The following TTC34 variants were observed in gnomAD, a reference collection of about 807,000 sequenced individuals.
TTC34 encodes the protein tetratricopeptide repeat domain 34.
A neutral mutation model predicts 40.7 loss-of-function variants in TTC34; 44 were observed. The observed-to-expected ratio is 1.08, with a 90% CI of 0.85 to 1.39. The LOEUF (loss-of-function observed/expected upper bound fraction) is 1.39, where lower values mean the gene tolerates loss of function less well. TTC34 is among the 40% of genes most tolerant of loss of function. The pLI, the probability that TTC34 is intolerant of heterozygous loss-of-function variation, is 0.00. For synonymous variants in TTC34, 422 were observed against 398.6 expected, an observed-to-expected ratio of 1.06 and a Z score of -0.70; for missense variants, 884 against 838.0, an observed-to-expected ratio of 1.05 and a Z score of -0.68.
chr1:2,684,763 G>A (rs1273827019), intron 6 of TTC34, among the ~76,000 whole-genome samples: 3 of 130,662 alleles, frequency 2.3e-5, no homozygotes, highest in Non-Finnish European at 4.7e-5. Flanking sequence ...AAAACCCCAG[G>A]TGAGCATCTG....
chr1:2,645,260 C>A lies in TTC34; in HGVS notation c.2497+33G>T, dbSNP rs1638996314. ...AGAGGAGCGGGGACAGAAGCCCAGA[C>A]CCCGTGTTTCCCACCTTGGGGCCGC... On this transcript the variant is annotated intron_variant, in intron 7 of 8. Transcript: ENST00000401095. The surrounding 1 kb of genome is among the most constrained non-coding windows in gnomAD (Gnocchi z 4.7). 4.2e-6 allele frequency: 6 copies of A among 1,439,256 alleles called. No homozygotes were observed. The South Asian group carries it at 7.3e-5, about 17-fold the overall frequency. The allele number at this position is 1,439,256 out of a possible 1,614,324, so 89.2% of individuals were successfully genotyped here. A position where few individuals can be genotyped will look rare whatever the true frequency, so the allele number is the denominator to read the frequency against.
At chr1:2,688,872 A>G (rs546630720) in intron 6 of TTC34, among the ~76,000 whole-genome samples, 1 of 64,144 alleles carries the variant, frequency 1.6e-5, no homozygotes, top group Non-Finnish European at 2.7e-5. Flanking sequence ...CGCACGTGAC[A>G]GCGTGGAACA....
Position 2,749,860 on chromosome 1 carries a change from C to T in TTC34, c.2226+33749G>A, listed in dbSNP as rs1457467745. 2.1e-3 allele frequency among the ~76,000 whole-genome samples: 75 copies of T among 35,940 alleles called. No individual in the cohort carries two copies. In the Middle Eastern group the frequency reaches 0.065, roughly 31 times the overall value. 23.6% of individuals were successfully genotyped at this position (35,940 alleles called of 152,430 possible). A position where few individuals can be genotyped will look rare whatever the true frequency, so the allele number is the denominator to read the frequency against. ...GCACCCACACCCCCAGGTGAACATC[C>T]GACAGCCTGGAGCAGAACCCACACC... On this transcript the variant is annotated intron_variant, in intron 6 of 8. Transcript: ENST00000401095.
chr1:2,695,738 C>T (rs866444764), intron 6 of TTC34, among the ~76,000 whole-genome samples: 1 of 148,778 alleles, frequency 6.7e-6, no homozygotes, highest in Non-Finnish European at 1.5e-5. Context: ...AGCTGAAATC[C>T]TGGAACAGCA....
At chr1:2,687,840 C>T (rs1305689349) in intron 6 of TTC34, among the ~76,000 whole-genome samples, 1 of 151,796 alleles carries the variant, frequency 6.6e-6, no homozygotes. Flanking sequence ...TGGAGCATTA[C>T]CCACACCCAC....
chr1:2,791,813 CCT>C (rs1465220827), intron 2 of TTC34, among the ~76,000 whole-genome samples: 1 of 151,984 alleles, frequency 6.6e-6, no homozygotes, highest in East Asian at 1.9e-4. Flanking sequence ...GGTGATCTCT[CCT>C]CTCTTTCCGA....
chr1:2,777,364 A>C, intron 6 of TTC34, among the ~76,000 whole-genome samples: 1 of 144,300 alleles, frequency 6.9e-6, no homozygotes, highest in East Asian at 2.1e-4. Context: ...AGCCTGGAGC[A>C]ACACCCCACA....
chr1:2,785,907 G>A (rs1643581051), exon 5 of TTC34: 1 of 1,537,090 alleles, frequency 6.5e-7, no homozygotes, highest in African/African-American at 1.4e-5. Flanking sequence ...CCCGCAGGAT[G>A]GCCAGGGCCC....
intron 6 of TTC34, among the ~76,000 whole-genome samples, chr1:2,688,771 T>C (rs60235086): frequency 0.14 from 3,248 of 23,612 alleles, no homozygotes; most frequent in Non-Finnish European, 0.17. Context: ...AGCACCCACA[T>C]CCCCAGGCGA....
chr1:2,755,978 C>T (rs1250589721), intron 6 of TTC34, among the ~76,000 whole-genome samples: 8 of 80,266 alleles, frequency 1.0e-4, no homozygotes, highest in Non-Finnish European at 1.8e-4. Flanking sequence ...TGGAACAGCA[C>T]CCTGCAACCC....
chr1:2,800,363 C>T (rs908451888), exon 2 of TTC34: 11 of 398,358 alleles, frequency 2.8e-5, no homozygotes, highest in Admixed American at 8.8e-5. Context: ...CCACACCATC[C>T]GCTGCCTGCA....
exon 6 of TTC34, chr1:2,783,640 G>A (rs1332574084): frequency 8.2e-6 from 12 of 1,465,024 alleles, no homozygotes; most frequent in Admixed American, 2.2e-5. Context: ...GTGCACCAAC[G>A]CCCGTCCACA....
At chr1:2,676,940 A>G (rs1309791109) in intron 6 of TTC34, among the ~76,000 whole-genome samples, 1 of 148,630 alleles carries the variant, frequency 6.7e-6, no homozygotes, top group Non-Finnish European at 1.5e-5. Flanking sequence ...CCAGGTGAGC[A>G]TCTGACAGCA....
At chr1:2,773,052 G>A (rs138099846) in intron 6 of TTC34, among the ~76,000 whole-genome samples, 2 of 114,226 alleles carry the variant, frequency 1.8e-5, no homozygotes, top group Non-Finnish European at 4.0e-5. Context: ...GGAGCAGCAC[G>A]CACACCCCCA....
intron 6 of TTC34, among the ~76,000 whole-genome samples, chr1:2,683,458 G>A (rs1640172414): frequency 6.7e-6 from 1 of 150,210 alleles, no homozygotes; most frequent in African/African-American, 2.5e-5. Context: ...CGACAGCCTG[G>A]AGCAGCACCC....
intron 4 of TTC34, 125 bp downstream of exon 4, chr1:2,787,356 G>T: frequency 1.2e-6 from 1 of 835,722 alleles, no homozygotes; most frequent in Non-Finnish European, 1.7e-6. Flanking sequence ...AGCTGGGGCT[G>T]AATGCAGTCG....
intron 6 of TTC34, among the ~76,000 whole-genome samples, chr1:2,683,494 C>A (rs1259627798): frequency 6.7e-6 from 1 of 149,184 alleles, no homozygotes; most frequent in Non-Finnish European, 1.5e-5. Flanking sequence ...CATCTGACAG[C>A]CTGGAACGGC....
intron 6 of TTC34, among the ~76,000 whole-genome samples, chr1:2,687,221 G>C (rs1341565461): frequency 6.9e-6 from 1 of 145,048 alleles, no homozygotes. Context: ...GCGAGCATCC[G>C]ACAGCCTGGA....
At chr1:2,785,718 G>A in intron 5 of TTC34, 101 bp downstream of exon 5, 3 of 1,313,046 alleles carry the variant, frequency 2.3e-6, no homozygotes, top group Non-Finnish European at 1.0e-6. Flanking sequence ...CCCTGCACCT[G>A]GGGAGCATGC....
Sources: allele counts gnomAD v4.1 joint callset (sites outside exome capture counted in the v4.1 genomes callset), GRCh38; gene constraint gnomAD v4.1.1; non-coding constraint Gnocchi (gnomAD v3.1); transcripts MANE v1.5; gene names NCBI Gene and HGNC (gene_info 2026-07-23, HGNC 2026-07-21).